The following MCF2L variants were observed in gnomAD, a reference collection of about 807,000 sequenced individuals.
MCF2L encodes MCF.2 cell line derived transforming sequence like, also known as guanine nucleotide exchange factor DBS.
MCF2L carries 97 observed loss-of-function variants against 153.4 expected under a neutral mutation model. That is an observed-to-expected ratio of 0.63 (90% CI 0.54 to 0.75). The LOEUF (loss-of-function observed/expected upper bound fraction) is 0.75, where lower values mean the gene tolerates loss of function less well. Ranked by LOEUF, MCF2L falls within the 30% of genes least tolerant of loss-of-function variation. MCF2L has a pLI of 0.00. For missense variants in MCF2L, 1,347 were observed against 1,495.2 expected, an observed-to-expected ratio of 0.90 and a Z score of 1.64; for synonymous variants, 659 against 632.2, an observed-to-expected ratio of 1.04 and a Z score of -0.64.
chr13:112,916,534 G>A (rs1464003424), intron 2 of MCF2L, among the ~76,000 whole-genome samples: 2 of 152,142 alleles, frequency 1.3e-5, no homozygotes, highest in Non-Finnish European at 2.9e-5. Context: ...CCAGCGTCAC[G>A]CCCTGACCCC....
rs2035804724 is a variant in MCF2L at position 113,098,534 on chromosome 13, A to G, written c.*1675A>G. ...TTGTATGGATGACGTTTGAATAAATATCAGCAACTCCTGCCATCTGCCTTT... is the reference window on the plus strand; with the variant it reads ...TTGTATGGATGACGTTTGAATAAATGTCAGCAACTCCTGCCATCTGCCTTT... On this transcript the variant is annotated 3_prime_UTR_variant, in exon 30 of 30. Coordinates refer to ENST00000535094, the MANE Select transcript of MCF2L (RefSeq NM_001112732.3). 7 of 152,260 alleles carry G rather than the reference A, an allele frequency of 4.6e-5. No homozygotes were observed. The highest frequency in any genetic ancestry group is 1.5e-5 in the Non-Finnish European group (1 of 68,062). 9.4% of individuals were successfully genotyped at this position (152,260 alleles called of 1,614,324 possible).
chr13:112,930,398 G>T (rs1241832270), intron 2 of MCF2L, among the ~76,000 whole-genome samples: 1 of 152,192 alleles, frequency 6.6e-6, no homozygotes, highest in African/African-American at 2.4e-5. Context: ...AGACATAGAG[G>T]AAACTTAGAT....
At chr13:112,946,943 G>A (rs377068384) in intron 2 of MCF2L, among the ~76,000 whole-genome samples, 5 of 152,352 alleles carry the variant, frequency 3.3e-5, no homozygotes, top group African/African-American at 1.2e-4. Flanking sequence ...CCAGGGAGCA[G>A]TGGCAGGGTG....
intron 26 of MCF2L, chr13:113,090,432 TCCCTGCC>T: frequency 1.9e-6 from 1 of 533,268 alleles, no homozygotes; most frequent in Non-Finnish European, 2.4e-6. Context: ...CTCCTTCCTC[TCCCTGCC>T]CCCCACCCCC....
intron 1 of MCF2L, among the ~76,000 whole-genome samples, chr13:112,976,968 C>G (rs902501398): frequency 6.6e-6 from 1 of 152,166 alleles, no homozygotes; most frequent in African/African-American, 2.4e-5. Context: ...CAAGCACGCT[C>G]TGTCCTTCCC....
chr13:112,958,524 G>A (rs553684898), intron 2 of MCF2L, among the ~76,000 whole-genome samples: 3 of 152,310 alleles, frequency 2.0e-5, no homozygotes, highest in East Asian at 3.9e-4. Flanking sequence ...ACTGGGTGGC[G>A]GGGGCTGGGG....
At chr13:113,061,350 C>T (rs1172992793) in intron 5 of MCF2L, among the ~76,000 whole-genome samples, 2 of 152,148 alleles carry the variant, frequency 1.3e-5, no homozygotes, top group Admixed American at 6.5e-5. Flanking sequence ...CTGTGGAGCC[C>T]GGTCACCAGC....
chr13:113,044,389 G>A (rs2141518199), intron 3 of MCF2L: 1 of 378,874 alleles, frequency 2.6e-6, no homozygotes, highest in Non-Finnish European at 5.1e-6. Context: ...TAAATCCCTG[G>A]CTTGTTAATG....
chr13:113,015,006 A>C (rs978316572), intron 2 of MCF2L, among the ~76,000 whole-genome samples, 160 bp downstream of exon 2: 3 of 152,182 alleles, frequency 2.0e-5, no homozygotes, highest in African/African-American at 7.2e-5. Flanking sequence ...GGCTCTCCCC[A>C]TCTCTGTGAA....
In MCF2L at chr13:113,074,511, C is replaced by T. The variant is rs555485471; in HGVS notation, c.1064C>T (p.Ala355Val). The T allele has an allele frequency of 5.6e-6, 9 of 1,614,070 alleles. No homozygotes were observed. The highest frequency in any genetic ancestry group is 2.2e-5 in the South Asian group (2 of 91,090). The change falls in exon 10 of 30, where the codon GCG (alanine) becomes GTG (valine). Residue 355 changes from alanine (A) to valine (V), a missense_variant. Around this residue, in one of 3 missense-constraint regions of MCF2L, gnomAD observed 820 missense variants for 921.2 expected, o/e 0.89. Coordinates refer to ENST00000535094, the MANE Select transcript of MCF2L (RefSeq NM_001112732.3). This position sits in a 1 kb window ranked among gnomAD's most constrained non-coding sequence, Gnocchi z 4.2. ...ATFTDIGNSL[A>V]HVEHLLRDLA... ...TTCACAGACATCGGCAACAGCCTGG[C>T]GCATGTGGAGCACCTGCTGAGGGAC...
At chr13:113,000,347 T>C (rs2083312022) in intron 1 of MCF2L, among the ~76,000 whole-genome samples, 1 of 151,932 alleles carries the variant, frequency 6.6e-6, no homozygotes, top group African/African-American at 2.4e-5. Flanking sequence ...CCCTCGGTGG[T>C]CGTGAGTGGG....
At chr13:113,056,887 G>C (rs1176907022) in intron 4 of MCF2L, among the ~76,000 whole-genome samples, 3 of 139,672 alleles carry the variant, frequency 2.1e-5, no homozygotes, top group Admixed American at 6.9e-5. Flanking sequence ...AGTGGGTGCT[G>C]TGTGTTTGGG....
At chr13:112,995,887 C>T (rs1400695628) in intron 1 of MCF2L, among the ~76,000 whole-genome samples, 2 of 152,334 alleles carry the variant, frequency 1.3e-5, no homozygotes, top group South Asian at 2.1e-4. Context: ...CTGACATCCG[C>T]ATGCCAAGCA....
intron 4 of MCF2L, among the ~76,000 whole-genome samples, chr13:113,050,368 T>A (rs2087157435): frequency 1.3e-5 from 2 of 151,750 alleles, no homozygotes; most frequent in Non-Finnish European, 2.9e-5. Flanking sequence ...TATTCATGTT[T>A]AGAGCTAGCC....
At chr13:113,016,321 G>A (rs2084510687) in intron 2 of MCF2L, among the ~76,000 whole-genome samples, 1 of 152,190 alleles carries the variant, frequency 6.6e-6, no homozygotes, top group African/African-American at 2.4e-5. Flanking sequence ...GGCCCCGAAG[G>A]AGGCAGAGGC....
chr13:112,968,148 G>GGT (rs1008403625), upstream of MCF2L, among the ~76,000 whole-genome samples: 17 of 147,188 alleles, frequency 1.2e-4, 3 homozygotes, highest in African/African-American at 3.0e-4. Context: ...GAGGTGGGGG[G>GGT]GGGGGTCTTG....
At chr13:112,934,439 G>A (rs914763621) in intron 2 of MCF2L, among the ~76,000 whole-genome samples, 2 of 152,228 alleles carry the variant, frequency 1.3e-5, no homozygotes, top group South Asian at 4.1e-4. Flanking sequence ...GCCTTAAACT[G>A]CACTGTGCCT....
chr13:113,078,789 G>A, intron 15 of MCF2L, 50 bp downstream of exon 15: 1 of 1,497,994 alleles, frequency 6.7e-7, no homozygotes, highest in South Asian at 1.2e-5. Context: ...ACCGCAGCCT[G>A]AACCACCAGA....
chr13:113,004,405 A>C (rs1428484959), intron 1 of MCF2L, among the ~76,000 whole-genome samples: 1 of 152,190 alleles, frequency 6.6e-6, no homozygotes, highest in African/African-American at 2.4e-5. Flanking sequence ...CTCAGTCTGC[A>C]GCCGTCACTC....
Sources: gnomAD v4.1 joint callset for allele counts (sites outside exome capture counted in the v4.1 genomes callset) on GRCh38, gnomAD v4.1.1 for gene constraint, gnomAD v4.1.1 regional missense constraint, Gnocchi (gnomAD v3.1) non-coding constraint, MANE v1.5 for transcripts, NCBI Gene and HGNC (gene_info 2026-07-23, HGNC 2026-07-21) for gene names.